The following TMEM164 variants were observed in gnomAD, a reference collection of about 807,000 sequenced individuals.
TMEM164 encodes transmembrane protein 164, also known as RP13-360B22.2.
Under a neutral mutation model 18.8 loss-of-function variants are expected in TMEM164, and 4 were observed. That is an observed-to-expected ratio of 0.21 (90% CI 0.10 to 0.49). The LOEUF (loss-of-function observed/expected upper bound fraction) is 0.49. TMEM164 is among the 20% of genes least tolerant of loss of function. TMEM164 has a pLI of 0.98. For synonymous variants in TMEM164, 86 were observed against 101.7 expected (o/e 0.85, Z 0.93); for missense variants, 108 against 239.9 (o/e 0.45, Z 3.63).
chrX:110,073,381 T>C (rs1298912312), intron 3 of TMEM164, among the ~76,000 whole-genome samples: 1 of 112,100 alleles, frequency 8.9e-6, no homozygotes, highest in East Asian at 2.8e-4. Flanking sequence ...GTTTAGCTTC[T>C]ACTCACAAGT....
intron 2 of TMEM164, chrX:110,020,280 GT>G: frequency 1.6e-6 from 1 of 614,751 alleles, no homozygotes; most frequent in Non-Finnish European, 2.0e-6. Context: ...CAATCCCTTT[GT>G]TTTCCAGATG....
chrX:110,182,286 C>T, downstream of TMEM164: 1 of 111,790 alleles, frequency 8.9e-6, no homozygotes, highest in Admixed American at 9.5e-5. Context: ...TCTAACACTC[C>T]TCTTTTTCTT....
intron 3 of TMEM164, among the ~76,000 whole-genome samples, chrX:110,100,600 C>T (rs2066094664): frequency 9.0e-6 from 1 of 111,304 alleles, no homozygotes; most frequent in African/African-American, 3.3e-5. Context: ...GAGATGGAGT[C>T]TCGCTCTGTT....
downstream of TMEM164, among the ~76,000 whole-genome samples, chrX:110,183,412 C>G (rs1393641424): frequency 8.9e-6 from 1 of 112,546 alleles, no homozygotes; most frequent in Non-Finnish European, 1.9e-5. Context: ...AGCCGCCACT[C>G]AGTAGGTTCT....
downstream of TMEM164, among the ~76,000 whole-genome samples, chrX:110,179,258 T>C (rs1308322769): frequency 8.9e-6 from 1 of 111,846 alleles, no homozygotes; most frequent in Non-Finnish European, 1.9e-5. Flanking sequence ...TTGCCATCCC[T>C]ACCCTGGGCA....
intron 2 of TMEM164, among the ~76,000 whole-genome samples, chrX:110,049,506 A>C (rs903703306): frequency 1.2e-4 from 13 of 111,282 alleles, no homozygotes; most frequent in African/African-American, 3.9e-4. Context: ...TCCTATGAGA[A>C]TATAATGCTG....
At chrX:110,012,817 C>T (rs999882191) in intron 2 of TMEM164, among the ~76,000 whole-genome samples, 12 of 112,292 alleles carry the variant, frequency 1.1e-4, no homozygotes, top group African/African-American at 3.9e-4. Flanking sequence ...GGACCTGTTA[C>T]CAGCATGAGA....
At chrX:110,148,758 T>C (rs2066897982) in intron 5 of TMEM164, among the ~76,000 whole-genome samples, 1 of 102,939 alleles carries the variant, frequency 9.7e-6, no homozygotes, top group South Asian at 4.8e-4. Context: ...ACTCTTGGGC[T>C]CAAGTGATCT....
At chrX:110,017,963 C>G (rs1307894205) in intron 2 of TMEM164, among the ~76,000 whole-genome samples, 1 of 111,889 alleles carries the variant, frequency 8.9e-6, no homozygotes, top group Non-Finnish European at 1.9e-5. Flanking sequence ...GAGTCTGGCC[C>G]TGGTGTCACC....
At chrX:110,020,664 G>A in intron 2 of TMEM164, 1 of 754,131 alleles carries the variant, frequency 1.3e-6, no homozygotes, top group Non-Finnish European at 1.6e-6. Flanking sequence ...CTGAGAGAAG[G>A]TAATTAGATT....
At chrX:110,051,358 C>T (rs563614939) in intron 2 of TMEM164, among the ~76,000 whole-genome samples, 7 of 110,530 alleles carry the variant, frequency 6.3e-5, no homozygotes, top group South Asian at 3.8e-4. Context: ...AAACTGCCTA[C>T]GTGAGTCTAA....
At chrX:110,149,586 A>G (rs112800741) in intron 5 of TMEM164, among the ~76,000 whole-genome samples, 5,666 of 111,070 alleles carry the variant, frequency 0.051, 364 homozygotes, top group African/African-American at 0.18. Flanking sequence ...CTCCTCTGAG[A>G]TGTTGAGTTC....
chrX:110,025,055 T>C (rs1001723360), intron 2 of TMEM164, among the ~76,000 whole-genome samples: 1 of 109,685 alleles, frequency 9.1e-6, no homozygotes, highest in Non-Finnish European at 1.9e-5. Context: ...GGCCTTTATT[T>C]TGGATGGTTT....
At chrX:110,071,151 ATATT>A (rs59713249) in intron 3 of TMEM164, among the ~76,000 whole-genome samples, 26,392 of 96,634 alleles carry the variant, frequency 0.27, 3,374 homozygotes, top group East Asian at 0.87. Flanking sequence ...AGATTTTTAA[ATATT>A]TATTTATTTA....
chrX:110,168,189 T>C (rs2148127367), intron 5 of TMEM164, among the ~76,000 whole-genome samples: 1 of 112,527 alleles, frequency 8.9e-6, no homozygotes, highest in South Asian at 3.7e-4. Flanking sequence ...GGCCTCCTCT[T>C]CCCCTGTATG....
chrX:110,030,416 G>A (rs1304139355), intron 2 of TMEM164, among the ~76,000 whole-genome samples: 2 of 104,959 alleles, frequency 1.9e-5, no homozygotes, highest in Non-Finnish European at 1.9e-5. Context: ...CATCGCATTC[G>A]GCCTCTTTTT....
chrX:110,074,017 A>G (rs1233016788), intron 3 of TMEM164, among the ~76,000 whole-genome samples: 1 of 110,481 alleles, frequency 9.1e-6, no homozygotes, highest in Non-Finnish European at 1.9e-5. Context: ...AGCTGGGACT[A>G]CAGGCACATG....
intron 3 of TMEM164, among the ~76,000 whole-genome samples, chrX:110,074,242 G>A (rs1427820943): frequency 9.0e-6 from 1 of 111,650 alleles, no homozygotes; most frequent in Non-Finnish European, 1.9e-5. Context: ...CTTGTTGGCT[G>A]CTTGTATGCC....
At chrX:110,073,947 G>A (rs757713797) in intron 3 of TMEM164, among the ~76,000 whole-genome samples, 7 of 110,782 alleles carry the variant, frequency 6.3e-5, no homozygotes, top group African/African-American at 2.3e-4. Flanking sequence ...GCCTGATCTC[G>A]GCTCACTGTA....
Sources: gnomAD v4.1 joint callset for allele counts (sites outside exome capture counted in the v4.1 genomes callset) on GRCh38, gnomAD v4.1.1 for gene constraint, MANE v1.5 for transcripts, NCBI Gene and HGNC (gene_info 2026-07-23, HGNC 2026-07-21) for gene names.